The following AMN1 variants were observed in gnomAD, a reference collection of about 807,000 sequenced individuals.
The protein encoded by AMN1 is protein AMN1 homolog.
A neutral mutation model predicts 33.0 loss-of-function variants in AMN1; 20 were observed. That is an observed-to-expected ratio of 0.61 (90% CI 0.43 to 0.88). The LOEUF (loss-of-function observed/expected upper bound fraction) is 0.88, where lower values mean the gene tolerates loss of function less well. Ranked by LOEUF, AMN1 falls within the 40% of genes least tolerant of loss-of-function variation. AMN1 has a pLI of 0.00. For synonymous variants in AMN1, 114 were observed against 111.9 expected (o/e 1.02, Z -0.12); for missense variants, 246 against 307.4 (o/e 0.80, Z 1.49).
intron 1 of AMN1, among the ~76,000 whole-genome samples, chr12:31,711,141 T>G (rs1227859010): frequency 6.6e-6 from 1 of 152,172 alleles, no homozygotes; most frequent in Non-Finnish European, 1.5e-5. Flanking sequence ...ACTCCTCACT[T>G]GGGATTACAG....
At chr12:31,727,661 T>G (rs910452428) in intron 1 of AMN1, among the ~76,000 whole-genome samples, 18 of 152,334 alleles carry the variant, frequency 1.2e-4, no homozygotes, top group Admixed American at 1.1e-3. Flanking sequence ...TCTCCTATTC[T>G]TTTCCTTATT....
chr12:31,690,700 T>C (rs745994302), intron 5 of AMN1, among the ~76,000 whole-genome samples: 4 of 152,240 alleles, frequency 2.6e-5, no homozygotes, highest in Admixed American at 6.5e-5. Flanking sequence ...TCTCCCATTC[T>C]GTGGGTTATC....
chr12:31,678,744 G>A (rs76401711), intron 6 of AMN1, among the ~76,000 whole-genome samples: 2,747 of 152,210 alleles, frequency 0.018, 75 homozygotes, highest in African/African-American at 0.063. Context: ...ATGTTCAAAG[G>A]AAATGTAATT....
chr12:31,682,963 CTT>C (rs34868408), intron 6 of AMN1, among the ~76,000 whole-genome samples: 32 of 137,766 alleles, frequency 2.3e-4, no homozygotes, highest in African/African-American at 3.2e-4. Flanking sequence ...GTATGCTATT[CTT>C]TTTTTTTTTT....
chr12:31,718,875 G>A (rs1939777694), intron 1 of AMN1, among the ~76,000 whole-genome samples: 1 of 152,208 alleles, frequency 6.6e-6, no homozygotes, highest in South Asian at 2.1e-4. Flanking sequence ...GCATAGAACC[G>A]CCTACTCAAG....
At chr12:31,709,506 C>CTTAG in intron 1 of AMN1, 81 bp from the exon 2 acceptor site, 2 of 1,479,756 alleles carry the variant, frequency 1.4e-6, no homozygotes, top group Non-Finnish European at 1.8e-6. Flanking sequence ...TTTGTTAGCA[C>CTTAG]TTAGCCCTTT....
chr12:31,725,852 T>C (rs1940041496), intron 1 of AMN1, among the ~76,000 whole-genome samples: 1 of 151,932 alleles, frequency 6.6e-6, no homozygotes, highest in Non-Finnish European at 1.5e-5. Flanking sequence ...TGCACCACCA[T>C]GCCCAGTTAA....
intron 6 of AMN1, among the ~76,000 whole-genome samples, chr12:31,678,177 C>T (rs1937823555): frequency 6.6e-6 from 1 of 152,112 alleles, no homozygotes; most frequent in Non-Finnish European, 1.5e-5. Flanking sequence ...ACCTGTTACG[C>T]CTTTCTCTTA....
chr12:31,672,399 A>G (rs1455453715), intron 6 of AMN1, 22 bp from the exon 7 acceptor site: 2 of 1,498,372 alleles, frequency 1.3e-6, no homozygotes, highest in Non-Finnish European at 9.1e-7. Flanking sequence ...AACAATGACA[A>G]TATATTAATT....
At chr12:31,702,637 TCAGA>T (rs778706427) in intron 2 of AMN1, among the ~76,000 whole-genome samples, 51 of 152,246 alleles carry the variant, frequency 3.3e-4, no homozygotes, top group African/African-American at 6.3e-4. Context: ...TGTAAAACAC[TCAGA>T]CAATTTAGAA....
chr12:31,717,380 C>CTA (rs545102265), intron 1 of AMN1, among the ~76,000 whole-genome samples: 156 of 152,282 alleles, frequency 1.0e-3, no homozygotes, highest in African/African-American at 3.6e-3. Context: ...CATGTCTTTG[C>CTA]TATTGTGAAT....
chr12:31,713,400 T>G (rs1260230461), intron 1 of AMN1, among the ~76,000 whole-genome samples: 1 of 152,200 alleles, frequency 6.6e-6, no homozygotes, highest in Non-Finnish European at 1.5e-5. Context: ...TTCTTTTCAT[T>G]TCTGCAAGTT....
intron 2 of AMN1, among the ~76,000 whole-genome samples, chr12:31,704,661 G>T (rs531679496): frequency 1.3e-5 from 2 of 152,234 alleles, no homozygotes; most frequent in Admixed American, 6.5e-5. Context: ...GCCATCCAAA[G>T]ATGTGTGTCA....
At position 31,683,447 on chromosome 12, in the gene AMN1, A is replaced by G. The variant is rs1438278611; in HGVS notation, c.703+5560T>C. Among the ~76,000 whole-genome samples, 1 of 152,196 alleles carries G rather than the reference A, an allele frequency of 6.6e-6. No individual in the cohort carries two copies. The highest frequency in any genetic ancestry group is 1.5e-5 in the Non-Finnish European group (1 of 68,036). On this transcript the variant is annotated intron_variant, in intron 6 of 6. Coordinates refer to ENST00000281471, the MANE Select transcript of AMN1 (RefSeq NM_001113402.2). This position sits in a 1 kb window ranked among gnomAD's most constrained non-coding sequence, Gnocchi z 4.1. The stretch of plus-strand genomic sequence containing the variant: ...TTTACTTTTTAAAAGAATGATTGAT[A>G]TGGTTTGACTGTGTCGCCACCCAAA...
intron 1 of AMN1, among the ~76,000 whole-genome samples, chr12:31,711,305 A>G (rs1939456554): frequency 6.6e-6 from 1 of 151,792 alleles, no homozygotes; most frequent in East Asian, 1.9e-4. Flanking sequence ...CTTTCATTGT[A>G]TATTTCCTTT....
intron 1 of AMN1, among the ~76,000 whole-genome samples, chr12:31,720,143 T>G (rs1325845137): frequency 6.6e-6 from 1 of 152,244 alleles, no homozygotes; most frequent in African/African-American, 2.4e-5. Flanking sequence ...TTTTACAGTG[T>G]GCACTTCAGT....
chr12:31,676,526 G>A (rs1937710648), intron 6 of AMN1, among the ~76,000 whole-genome samples: 1 of 150,416 alleles, frequency 6.6e-6, no homozygotes, highest in Non-Finnish European at 1.5e-5. Context: ...GTTTCACCAT[G>A]TTAGCCAGGA....
intron 6 of AMN1, 53 bp from the exon 7 acceptor site, chr12:31,672,430 G>A: frequency 4.9e-6 from 6 of 1,233,704 alleles, no homozygotes; most frequent in African/African-American, 1.5e-5. Flanking sequence ...AATGTTTAAT[G>A]TTTCCTCATG....
chr12:31,688,264 T>C (rs1446688289), intron 6 of AMN1, among the ~76,000 whole-genome samples: 1 of 152,242 alleles, frequency 6.6e-6, no homozygotes, highest in East Asian at 1.9e-4. Flanking sequence ...ATTCTGATCC[T>C]AATGTCTACA....
Sources: allele counts gnomAD v4.1 joint callset (sites outside exome capture counted in the v4.1 genomes callset), GRCh38; gene constraint gnomAD v4.1.1; non-coding constraint Gnocchi (gnomAD v3.1); transcripts MANE v1.5; gene names NCBI Gene and HGNC (gene_info 2026-07-23, HGNC 2026-07-21).